The following WWP1 variants were observed in gnomAD, a reference collection of about 807,000 sequenced individuals.
WWP1 encodes NEDD4-like E3 ubiquitin-protein ligase WWP1.
WWP1 carries 49 observed loss-of-function variants against 130.6 expected under a neutral mutation model. The observed-to-expected ratio is 0.38, with a 90% CI of 0.30 to 0.48. WWP1 has a LOEUF of 0.48. Ranked by LOEUF, WWP1 falls within the 20% of genes least tolerant of loss-of-function variation. The pLI is 0.99. For synonymous variants in WWP1, 332 were observed against 367.8 expected (o/e 0.90, Z 1.11); for missense variants, 809 against 1,100.6 (o/e 0.74, Z 3.75).
chr8:86,440,982 G>A (rs1810563557), intron 17 of WWP1, among the ~76,000 whole-genome samples: 1 of 152,092 alleles, frequency 6.6e-6, no homozygotes, highest in African/African-American at 2.4e-5. Context: ...AACCTCTTGT[G>A]TCTCTTCAGT....
At chr8:86,442,894 C>A in intron 18 of WWP1, 116 bp downstream of exon 18, 3 of 1,121,754 alleles carry the variant, frequency 2.7e-6, no homozygotes, top group East Asian at 2.7e-5. Flanking sequence ...GTTTTGTTAC[C>A]AAGAAAGTTT....
intron 1 of WWP1, among the ~76,000 whole-genome samples, chr8:86,353,113 C>T (rs1200114905): frequency 1.3e-5 from 2 of 152,122 alleles, no homozygotes; most frequent in Non-Finnish European, 2.9e-5. Flanking sequence ...CATGATGTGT[C>T]TCTTATAGGG....
At chr8:86,395,649 C>T (rs1807622115) in intron 5 of WWP1, among the ~76,000 whole-genome samples, 1 of 152,096 alleles carries the variant, frequency 6.6e-6, no homozygotes, top group South Asian at 2.1e-4. Flanking sequence ...TTTAGTCTAC[C>T]TCCCCATATC....
intron 5 of WWP1, among the ~76,000 whole-genome samples, chr8:86,386,428 T>C (rs1296342943): frequency 1.4e-5 from 2 of 145,052 alleles, no homozygotes; most frequent in African/African-American, 2.5e-5. Flanking sequence ...GTTCCACTCA[T>C]ATAGCAGGCT....
intron 7 of WWP1, among the ~76,000 whole-genome samples, chr8:86,401,206 C>T (rs1038448461): frequency 6.6e-6 from 1 of 151,734 alleles, no homozygotes; most frequent in African/African-American, 2.4e-5. Context: ...CTAGTATATG[C>T]TAATTTGTAA....
intron 18 of WWP1, among the ~76,000 whole-genome samples, chr8:86,444,276 G>T (rs183620680): frequency 6.6e-6 from 1 of 152,194 alleles, no homozygotes; most frequent in Non-Finnish European, 1.5e-5. Context: ...CAGCTTGTCT[G>T]GTTGCAAATT....
chr8:86,366,866 A>G (rs962801516), intron 1 of WWP1, among the ~76,000 whole-genome samples: 3 of 152,190 alleles, frequency 2.0e-5, no homozygotes, highest in Admixed American at 6.5e-5. Context: ...CAGTATTTCT[A>G]TGTAGAAGTA....
At chr8:86,362,318 G>A (rs749924661) in intron 1 of WWP1, among the ~76,000 whole-genome samples, 11 of 149,552 alleles carry the variant, frequency 7.4e-5, no homozygotes, top group Non-Finnish European at 1.2e-4. Flanking sequence ...TTAAATTAGA[G>A]GCTTATGTCA....
intron 1 of WWP1, among the ~76,000 whole-genome samples, chr8:86,355,371 T>G (rs763272387): frequency 6.6e-6 from 1 of 152,176 alleles, no homozygotes; most frequent in African/African-American, 2.4e-5. Flanking sequence ...CATCCTCAGC[T>G]CAGCTCCATG....
Position 86,380,827 on chromosome 8 carries a change from A to C in WWP1, c.172A>C (p.Ser58Arg). ...GEITKTAKSS[S>R]SSNPKWDEQL... ...AATTACGAAAACAGCAAAATCCAGT[A>C]GTTCTTCTAATCCAAAATGGGATGA... Residue 58 changes from serine to arginine, a missense_variant, in exon 4 of 25, where the codon AGT becomes CGT. Around this residue, in one of 3 missense-constraint regions of WWP1, gnomAD observed 262 missense variants for 346.0 expected, o/e 0.76. Transcript: ENST00000517970. 1 of 1,613,130 alleles carries C rather than the reference A, an allele frequency of 6.2e-7. No homozygotes were observed. Among genetic ancestry groups the C allele is most frequent in the Non-Finnish European group, 8.5e-7 (1 of 1,179,572 alleles).
intron 5 of WWP1, among the ~76,000 whole-genome samples, chr8:86,392,980 A>C (rs1807440387): frequency 6.6e-6 from 1 of 152,118 alleles, no homozygotes; most frequent in Non-Finnish European, 1.5e-5. Flanking sequence ...CCATTTGTAA[A>C]TATTTGCCAC....
intron 1 of WWP1, among the ~76,000 whole-genome samples, chr8:86,358,239 A>G (rs1281790050): frequency 1.3e-5 from 2 of 152,134 alleles, no homozygotes; most frequent in Non-Finnish European, 2.9e-5. Context: ...TGAGGTGAGC[A>G]TGGACTTGAA....
chr8:86,371,210 T>A (rs1328547701), intron 2 of WWP1, among the ~76,000 whole-genome samples: 2 of 152,018 alleles, frequency 1.3e-5, no homozygotes, highest in Non-Finnish European at 2.9e-5. Flanking sequence ...GTTCATTCGT[T>A]CTCACTACTA....
chr8:86,415,043 G>A (rs543253122), intron 9 of WWP1, among the ~76,000 whole-genome samples: 5 of 152,156 alleles, frequency 3.3e-5, no homozygotes, highest in Admixed American at 2.6e-4. Context: ...ACCTCATGCC[G>A]TATACCAAGG....
chr8:86,366,396 A>G (rs1823967142), intron 1 of WWP1, among the ~76,000 whole-genome samples: 1 of 152,216 alleles, frequency 6.6e-6, no homozygotes. Flanking sequence ...GTCTTTGATT[A>G]GGGAGATCAG....
intron 21 of WWP1, among the ~76,000 whole-genome samples, chr8:86,453,380 A>G (rs1811277355): frequency 6.6e-6 from 1 of 152,124 alleles, no homozygotes; most frequent in South Asian, 2.1e-4. Context: ...TTCCTTTTTT[A>G]GACTGAATAA....
Position 86,389,728 on chromosome 8 carries a change from C to T in WWP1, c.334+8099C>T, listed in dbSNP as rs562507371. Among the ~76,000 whole-genome samples, 481 of 151,576 alleles carry T rather than the reference C, an allele frequency of 3.2e-3. 2 individuals carry two copies. Among genetic ancestry groups the T allele is most frequent in the African/African-American group, 0.011 (447 of 41,374 alleles). On this transcript the variant is annotated intron_variant, in intron 5 of 24. Transcript: ENST00000517970. The stretch of plus-strand genomic sequence containing the variant: ...CGGGCTCCTCACTTCCCAGACGGGG[C>T]GGCCGGGCAGAGGCGCCCCCCCACC...
chr8:86,374,223 A>G (rs1824495407), intron 3 of WWP1, 103 bp downstream of exon 3: 7 of 888,944 alleles, frequency 7.9e-6, no homozygotes, highest in South Asian at 3.6e-5. Context: ...TTTTAGATTC[A>G]TACTATGGCA....
intron 5 of WWP1, among the ~76,000 whole-genome samples, chr8:86,385,091 G>A (rs1825203359): frequency 6.6e-6 from 1 of 151,790 alleles, no homozygotes; most frequent in African/African-American, 2.4e-5. Flanking sequence ...TGACATCCTA[G>A]TGTTGAAGAA....
Sources: gnomAD v4.1 joint callset for allele counts (sites outside exome capture counted in the v4.1 genomes callset) on GRCh38, gnomAD v4.1.1 for gene constraint, gnomAD v4.1.1 regional missense constraint, MANE v1.5 for transcripts, NCBI Gene and HGNC (gene_info 2026-07-23, HGNC 2026-07-21) for gene names.